DYNC2H1: variants seen among roughly 807,000 people sequenced by gnomAD.
The protein encoded by DYNC2H1 is cytoplasmic dynein 2 heavy chain 1.
A neutral mutation model predicts 570.0 loss-of-function variants in DYNC2H1; 410 were observed. The ratio of observed to expected loss-of-function variants is 0.72; its 90% CI spans 0.66 to 0.78. DYNC2H1 has a LOEUF of 0.78. DYNC2H1 is among the 30% of genes least tolerant of loss of function. DYNC2H1 has a pLI of 0.00. For synonymous variants in DYNC2H1, 1,688 were observed against 1,677.6 expected, an observed-to-expected ratio of 1.01 and a Z score of -0.15; for missense variants, 4,865 against 5,046.4, an observed-to-expected ratio of 0.96 and a Z score of 1.09.
chr11:103,371,092 A>G (rs1291882280), intron 83 of DYNC2H1, among the ~76,000 whole-genome samples: 1 of 152,126 alleles, frequency 6.6e-6, no homozygotes, highest in Non-Finnish European at 1.5e-5. Flanking sequence ...TCTATCAGGT[A>G]AATTTTAACA....
intron 82 of DYNC2H1, among the ~76,000 whole-genome samples, chr11:103,339,865 G>A (rs1159968741): frequency 6.6e-6 from 1 of 152,188 alleles, no homozygotes; most frequent in Non-Finnish European, 1.5e-5. Flanking sequence ...CTTTCCCTCT[G>A]CCCCAGGGAT....
At chr11:103,131,703 A>G (rs1002439299) in intron 13 of DYNC2H1, among the ~76,000 whole-genome samples, 11 of 152,100 alleles carry the variant, frequency 7.2e-5, no homozygotes, top group African/African-American at 2.7e-4. Context: ...TTAAATAGAT[A>G]TGAAATGCAT....
chr11:103,399,581 A>C (rs1942551284), intron 83 of DYNC2H1, 82 bp from the exon 84 acceptor site: 2 of 940,610 alleles, frequency 2.1e-6, no homozygotes, highest in Admixed American at 2.8e-5. Context: ...ATAGAACAAA[A>C]GGTTTAAATA....
intron 84 of DYNC2H1, among the ~76,000 whole-genome samples, chr11:103,426,736 T>G (rs1943686967): frequency 6.6e-6 from 1 of 152,182 alleles, no homozygotes; most frequent in Non-Finnish European, 1.5e-5. Flanking sequence ...TATAACAAAC[T>G]AATGGGCTTG....
chr11:103,114,295 T>C, intron 3 of DYNC2H1, 57 bp downstream of exon 3: 1 of 1,432,700 alleles, frequency 7.0e-7, no homozygotes, highest in Non-Finnish European at 9.3e-7. Context: ...ATTAATACAT[T>C]AGTAAATGAA....
chr11:103,180,537 A>C (rs1267715598), intron 39 of DYNC2H1, among the ~76,000 whole-genome samples: 13 of 151,742 alleles, frequency 8.6e-5, no homozygotes, highest in Non-Finnish European at 1.5e-5. Context: ...TGTAAAATAC[A>C]AATACATATT....
intron 83 of DYNC2H1, among the ~76,000 whole-genome samples, chr11:103,371,914 C>T (rs1289941741): frequency 1.1e-5 from 1 of 90,896 alleles, no homozygotes; most frequent in Non-Finnish European, 2.2e-5. Flanking sequence ...TGGTTTCTTC[C>T]TTTCCCATTT....
At chr11:103,162,907 T>C (rs1022339416) in intron 29 of DYNC2H1, 121 bp from the exon 30 acceptor site, 3 of 787,038 alleles carry the variant, frequency 3.8e-6, no homozygotes, top group Admixed American at 3.1e-5. Flanking sequence ...GAAAGTATAA[T>C]ACCCCGTCTT....
At chr11:103,272,369 A>G (rs891505064) in intron 70 of DYNC2H1, among the ~76,000 whole-genome samples, 27 of 152,136 alleles carry the variant, frequency 1.8e-4, no homozygotes, top group African/African-American at 6.3e-4. Flanking sequence ...TGGGAATTGA[A>G]CAATGAGAAC....
rs1350637065 is a variant in DYNC2H1, at chr11:103,205,017, A to G, written c.8454+53A>G. On this transcript the variant is annotated intron_variant, in intron 52 of 88. Transcript: ENST00000375735. The surrounding 1 kb of genome is among the most constrained non-coding windows in gnomAD (Gnocchi z 4.5). ...AAAAGCACATTTTATTTTTGAAGTT[A>G]TTGATTTTCACAACTTCTCTTTGGT... The G allele has an allele frequency of 6.7e-7, 1 of 1,495,682 alleles. No individual in the cohort carries two copies. The highest frequency in any genetic ancestry group is 9.0e-7 in the Non-Finnish European group (1 of 1,109,724). 92.7% of individuals were successfully genotyped at this position (1,495,682 alleles called of 1,614,324 possible).
chr11:103,148,157 A>G (rs1026633103), intron 19 of DYNC2H1, among the ~76,000 whole-genome samples: 2 of 152,198 alleles, frequency 1.3e-5, no homozygotes, highest in Non-Finnish European at 2.9e-5. Flanking sequence ...TCCTCAAATG[A>G]CAAAGTATTT....
intron 32 of DYNC2H1, 99 bp downstream of exon 32, chr11:103,169,059 T>A: frequency 3.7e-6 from 4 of 1,085,692 alleles, no homozygotes; most frequent in Non-Finnish European, 5.1e-6. Flanking sequence ...AAGTAGTAAT[T>A]TTTCCATAAT....
Position 103,319,532 on chromosome 11 carries a change from T to C in DYNC2H1, c.11726-1497T>C, listed in dbSNP as rs1216025199. 6.6e-6 allele frequency among the ~76,000 whole-genome samples: 1 copy of C among 152,156 alleles called. No homozygotes were observed. Among genetic ancestry groups the C allele is most frequent in the East Asian group, 1.9e-4 (1 of 5,200 alleles). On this transcript the variant is annotated intron_variant, in intron 80 of 88. Transcript: ENST00000375735. This position sits in a 1 kb window ranked among gnomAD's most constrained non-coding sequence, Gnocchi z 4.3. Reference sequence around the variant, plus strand: ...CAAAAGCTACATGAAGCATTTAACATTTAGTACATTTAATATGTGGAGTTA... The same window carrying C: ...CAAAAGCTACATGAAGCATTTAACACTTAGTACATTTAATATGTGGAGTTA...
chr11:103,411,225 T>TG (rs1943074039), intron 84 of DYNC2H1, among the ~76,000 whole-genome samples: 2 of 152,140 alleles, frequency 1.3e-5, no homozygotes, highest in Non-Finnish European at 2.9e-5. Context: ...GGTTTAAAGT[T>TG]GAGTTGGCAG....
chr11:103,402,292 C>T (rs1485936090), intron 84 of DYNC2H1: 1 of 152,044 alleles, frequency 6.6e-6, no homozygotes, highest in Non-Finnish European at 1.5e-5. Flanking sequence ...GTAAAATGCC[C>T]TGAAGAAACC....
intron 70 of DYNC2H1, among the ~76,000 whole-genome samples, chr11:103,272,512 T>C (rs1248371404): frequency 6.6e-6 from 1 of 152,156 alleles, no homozygotes; most frequent in East Asian, 1.9e-4. Context: ...ACATGGCACA[T>C]GTATACATAT....
Position 103,314,916 on chromosome 11 carries a change from G to T in DYNC2H1, c.11650-1629G>T, listed in dbSNP as rs975777906. Among the ~76,000 whole-genome samples, 5 of 152,028 alleles carry T rather than the reference G, an allele frequency of 3.3e-5. No individual in the cohort carries two copies. In the East Asian group the frequency reaches 9.6e-4, roughly 29 times the overall value. On this transcript the variant is annotated intron_variant, in intron 79 of 88. Coordinates refer to ENST00000375735, the MANE Select transcript of DYNC2H1 (RefSeq NM_001377.3). ...TTAAAAATAAACTTTTTCACATACG[G>T]TCTAACAGAATGATATAAGAAATTT...
At chr11:103,411,338 T>A (rs141400157) in intron 84 of DYNC2H1, among the ~76,000 whole-genome samples, 11 of 152,178 alleles carry the variant, frequency 7.2e-5, no homozygotes, top group Middle Eastern at 6.8e-3. Context: ...CATATCAGTA[T>A]TAGGGTGGGA....
intron 77 of DYNC2H1, 97 bp downstream of exon 77, chr11:103,304,817 A>G: frequency 8.2e-7 from 1 of 1,216,518 alleles, no homozygotes. Flanking sequence ...ATTTATGATG[A>G]TTTAAAAAGT....
Sources: gnomAD v4.1 joint callset for allele counts (sites outside exome capture counted in the v4.1 genomes callset) on GRCh38, gnomAD v4.1.1 for gene constraint, Gnocchi (gnomAD v3.1) non-coding constraint, MANE v1.5 for transcripts, NCBI Gene and HGNC (gene_info 2026-07-23, HGNC 2026-07-21) for gene names.